BAZ2B: variants seen among roughly 807,000 people sequenced by gnomAD.
BAZ2B encodes the protein bromodomain adjacent to zinc finger domain 2B, also known as bromodomain adjacent to zinc finger domain protein 2B.
In BAZ2B, 91 loss-of-function variants were observed where a neutral mutation model predicts 246.0. That is an observed-to-expected ratio of 0.37 (90% CI 0.31 to 0.44). BAZ2B has a LOEUF of 0.44. Among genes scored for constraint, BAZ2B ranks in the 20% least tolerant of loss-of-function variants. The pLI is 1.00. For synonymous variants in BAZ2B, 855 were observed against 860.0 expected (o/e 0.99, Z 0.10); for missense variants, 2,332 against 2,533.7 (o/e 0.92, Z 1.71).
rs1559887101 is a variant in BAZ2B at position 159,604,967 on chromosome 2, C to CGT, written c.-46+11274_-46+11275insAC. Reference sequence around the variant, plus strand: ...GTGTGTGTGTGCGCGTGTGTGCGCGCGCTAGGAGAGAGAGAGAGCCAGGAT... The same window carrying CGT: ...GTGTGTGTGTGCGCGTGTGTGCGCGCGTGCTAGGAGAGAGAGAGAGCCAGGAT... On this transcript the variant is annotated intron_variant, in intron 1 of 36. Transcript: ENST00000392783. 4.7e-5 allele frequency among the ~76,000 whole-genome samples: 7 copies of CGT among 147,534 alleles called. No individual in the cohort carries two copies. In the South Asian group the frequency reaches 8.5e-4, roughly 18 times the overall value.
At chr2:159,427,846 G>T in intron 13 of BAZ2B, 95 bp downstream of exon 13, 1 of 967,434 alleles carries the variant, frequency 1.0e-6, no homozygotes, top group South Asian at 1.5e-5. Flanking sequence ...ACTAATTAAA[G>T]AAAGGCAATG....
At chr2:159,700,252 C>T in the BAZ2B span, among the ~76,000 whole-genome samples, 4 of 152,212 alleles carry the variant, frequency 2.6e-5, no homozygotes, top group South Asian at 2.1e-4. Context: ...CAACCTCCAG[C>T]GGATATCAAA....
intron 2 of BAZ2B, among the ~76,000 whole-genome samples, chr2:159,542,184 T>C (rs369007251): frequency 3.8e-4 from 58 of 152,242 alleles, no homozygotes; most frequent in African/African-American, 1.3e-3. Flanking sequence ...CTATGGAACC[T>C]GTAAGACAAC....
Position 159,478,570 on chromosome 2 carries a change from T to C in BAZ2B, c.145+5A>G. The C allele has an allele frequency of 6.3e-7, 1 of 1,589,134 alleles. No homozygotes were observed. The highest frequency in any genetic ancestry group is 2.3e-5 in the East Asian group (1 of 43,972). ...TCTAAAATTGAGTTAAAAAAGGGTA[T>C]TCACCACATGGGTTGATTGTAGAGC... On this transcript the variant is annotated splice_donor_5th_base_variant and intron_variant, in intron 3 of 36. Transcript: ENST00000392783.
At position 159,448,260 on chromosome 2, in the gene BAZ2B, G is replaced by A. The variant is rs371578724; in HGVS notation, c.484C>T (p.Arg162Ter). ...TGGATACCTTTTTCGGGACCATTTC[G>A]ATTACTTTTTCCCGAAGTCCTTGAA... ...FHSRTSGKSN[R>*]NGPEKGVNGS... The change falls in exon 5 of 37, where the codon CGA (arginine) becomes TGA (stop). Residue 162 changes from arginine to a stop codon, truncating the protein, a stop_gained. Coordinates refer to ENST00000392783, the MANE Select transcript of BAZ2B (RefSeq NM_013450.4). LOFTEE classifies it high-confidence loss of function. 1.9e-6 allele frequency: 3 copies of A among 1,611,646 alleles called. No homozygotes were observed. The highest frequency in any genetic ancestry group is 1.3e-5 in the African/African-American group (1 of 74,702).
At chr2:159,473,628 C>T (rs1318758190) in intron 3 of BAZ2B, among the ~76,000 whole-genome samples, 1 of 152,036 alleles carries the variant, frequency 6.6e-6, no homozygotes, top group Non-Finnish European at 1.5e-5. Flanking sequence ...GCTCTTGCTT[C>T]TCTAGTTCTT....
intron 1 of BAZ2B, among the ~76,000 whole-genome samples, chr2:159,579,531 T>C (rs1686206047): frequency 6.6e-6 from 1 of 152,150 alleles, no homozygotes; most frequent in Non-Finnish European, 1.5e-5. Flanking sequence ...TCTGAAACTA[T>C]TCCAATCAAT....
intron 1 of BAZ2B, among the ~76,000 whole-genome samples, chr2:159,607,900 T>C (rs1024898188): frequency 4.6e-5 from 7 of 152,344 alleles, no homozygotes; most frequent in East Asian, 1.9e-4. Context: ...TGCTTGGAGA[T>C]AGCATTCAAT....
chr2:159,479,956 T>A (rs968987416), intron 2 of BAZ2B, among the ~76,000 whole-genome samples: 1 of 152,164 alleles, frequency 6.6e-6, no homozygotes, highest in Non-Finnish European at 1.5e-5. Flanking sequence ...AGAATTTGTA[T>A]TTCTCTTTAT....
At chr2:159,392,353 T>TA (rs1318132218) in intron 20 of BAZ2B, 1 of 141,058 alleles carries the variant, frequency 7.1e-6, no homozygotes, top group Non-Finnish European at 1.5e-5. Flanking sequence ...ATAAAGCCTG[T>TA]TTTTTTTTTA....
chr2:159,411,193 A>T (rs1446340602), intron 14 of BAZ2B, among the ~76,000 whole-genome samples: 1 of 152,108 alleles, frequency 6.6e-6, no homozygotes, highest in African/African-American at 2.4e-5. Context: ...GGCTAATTTT[A>T]AAATTTTATT....
intron 1 of BAZ2B, among the ~76,000 whole-genome samples, chr2:159,567,560 T>C (rs1277426999): frequency 6.6e-6 from 1 of 152,232 alleles, no homozygotes; most frequent in African/African-American, 2.4e-5. Flanking sequence ...TGCTTGGGCA[T>C]TTTAGCTAAA....
chr2:159,477,420 T>C (rs1205915706), intron 3 of BAZ2B, among the ~76,000 whole-genome samples: 2 of 151,974 alleles, frequency 1.3e-5, no homozygotes, highest in African/African-American at 2.4e-5. Flanking sequence ...AAGAATATAT[T>C]AGAAAATGGT....
chr2:159,462,771 C>G (rs554765128), intron 3 of BAZ2B: 466 of 1,417,032 alleles, frequency 3.3e-4, no homozygotes, highest in African/African-American at 2.0e-3. Flanking sequence ...GGCTGACACT[C>G]ATGGCTTTCA....
chr2:159,578,329 T>TA (rs1247178803), intron 1 of BAZ2B, among the ~76,000 whole-genome samples: 1 of 151,876 alleles, frequency 6.6e-6, no homozygotes, highest in South Asian at 2.1e-4. Context: ...TCACAGTTCA[T>TA]AAAAAAAAGA....
chr2:159,385,826 C>T (rs2062588718), intron 22 of BAZ2B, among the ~76,000 whole-genome samples: 1 of 152,080 alleles, frequency 6.6e-6, no homozygotes, highest in African/African-American at 2.4e-5. Context: ...AGAAGAAAAA[C>T]AGGTGCATCT....
intron 10 of BAZ2B, among the ~76,000 whole-genome samples, chr2:159,430,244 TCTC>T (rs1290795196): frequency 6.6e-6 from 1 of 152,108 alleles, no homozygotes; most frequent in Non-Finnish European, 1.5e-5. Context: ...GACCAATCCT[TCTC>T]CTCCTCAGCC....
At chr2:159,448,502 T>G in intron 4 of BAZ2B, 93 bp from the exon 5 acceptor site, 1 of 1,412,288 alleles carries the variant, frequency 7.1e-7, no homozygotes, top group Non-Finnish European at 9.4e-7. Context: ...TAAAAAAATT[T>G]CAAGTTTCAT....
At chr2:159,440,487 C>T (rs1219347265) in intron 6 of BAZ2B, among the ~76,000 whole-genome samples, 1 of 150,916 alleles carries the variant, frequency 6.6e-6, no homozygotes, top group Non-Finnish European at 1.5e-5. Context: ...GAGTCACTCC[C>T]GCCATTATAT....
Sources: allele counts gnomAD v4.1 joint callset (sites outside exome capture counted in the v4.1 genomes callset), GRCh38; gene constraint gnomAD v4.1.1; transcripts MANE v1.5; gene names NCBI Gene and HGNC (gene_info 2026-07-23, HGNC 2026-07-21).